Variants in PCDHGA2 observed in about 807,000 individuals in gnomAD.
The protein encoded by PCDHGA2 is protocadherin gamma-A2.
Under a neutral mutation model 59.2 loss-of-function variants are expected in PCDHGA2, and 40 were observed. The observed-to-expected ratio is 0.68, with a 90% CI of 0.52 to 0.88. The LOEUF (loss-of-function observed/expected upper bound fraction) is 0.88, where lower values mean the gene tolerates loss of function less well. PCDHGA2 is among the 40% of genes least tolerant of loss of function. The pLI is 0.00. For synonymous variants in PCDHGA2, 560 were observed against 526.0 expected (o/e 1.06, Z -0.89); for missense variants, 1,226 against 1,204.0 (o/e 1.02, Z -0.27).
At chr5:141,382,989 T>C (rs1377336206) in intron 1 of PCDHGA2, 5 of 1,613,356 alleles carry the variant, frequency 3.1e-6, no homozygotes, top group East Asian at 2.2e-5. Context: ...GGGCAGGACG[T>C]ATTCTCTACT....
intron 2 of PCDHGA2, among the ~76,000 whole-genome samples, chr5:141,501,057 C>T (rs185929124): frequency 9.7e-4 from 147 of 151,960 alleles, no homozygotes; most frequent in African/African-American, 3.4e-3. Context: ...TTAGTAGAGA[C>T]GGGGTTTCAC....
chr5:141,410,660 T>C (rs911543817), intron 1 of PCDHGA2: 12 of 1,572,396 alleles, frequency 7.6e-6, no homozygotes, highest in African/African-American at 2.7e-5. Context: ...TCTAATAGTC[T>C]ACTAGTTTCT....
intron 1 of PCDHGA2, among the ~76,000 whole-genome samples, chr5:141,363,511 A>T (rs1323894017): frequency 6.6e-6 from 1 of 152,256 alleles, no homozygotes; most frequent in Non-Finnish European, 1.5e-5. Flanking sequence ...CATCCTCCAC[A>T]GTTACTATAC....
At chr5:141,501,298 C>T (rs998006748) in intron 2 of PCDHGA2, among the ~76,000 whole-genome samples, 216 of 148,422 alleles carry the variant, frequency 1.5e-3, no homozygotes, top group Admixed American at 2.4e-3. Context: ...TATACACACA[C>T]ACACACACAC....
chr5:141,340,252 A>C lies in PCDHGA2; in HGVS notation c.1281A>C (p.Gly427=). 6.2e-7 allele frequency: 1 copy of C among 1,614,180 alleles called. No homozygotes were observed. The highest frequency in any genetic ancestry group is 8.5e-7 in the Non-Finnish European group (1 of 1,180,024). The change falls in exon 1 of 4, where the codon GGA becomes GGC. Residue 427 remains glycine, a synonymous_variant. Coordinates refer to ENST00000394576, the MANE Select transcript of PCDHGA2 (RefSeq NM_018915.4). Reference sequence around the variant, plus strand: ...ACATCACTCTAACCGCTAAAGATGGAGGGAACCCCTCCCTGTCCACGGATG... The same window carrying C: ...ACATCACTCTAACCGCTAAAGATGGCGGGAACCCCTCCCTGTCCACGGATG... ...FYNITLTAKD[G]GNPSLSTDAH...
chr5:141,402,801 G>A, intron 1 of PCDHGA2: 6 of 1,078,624 alleles, frequency 5.6e-6, no homozygotes, highest in Non-Finnish European at 7.6e-6. Context: ...CACAAAACCC[G>A]GCAGATACCA....
chr5:141,470,035 G>A lies in PCDHGA2; in HGVS notation c.2425-24772G>A, dbSNP rs761812438. ...TCCCAGCTACTCGGGATGCTGAGGC[G>A]CGAGAACTGTTTGAACCCCGGAGGC... On this transcript the variant is annotated intron_variant, in intron 1 of 3. Transcript: ENST00000394576. Among the ~76,000 whole-genome samples, 97 of 152,224 alleles carry A rather than the reference G, an allele frequency of 6.4e-4. 2 individuals carry two copies. Among genetic ancestry groups the A allele is most frequent in the East Asian group, 1.2e-3 (6 of 5,170 alleles).
Position 141,491,627 on chromosome 5 carries a change from A to C in PCDHGA2, c.2425-3180A>C. On this transcript the variant is annotated intron_variant, in intron 1 of 3. Transcript: ENST00000394576. The surrounding 1 kb of genome is among the most constrained non-coding windows in gnomAD (Gnocchi z 6.9). ...ACTTTTCTAAGACCCCTCAGCGTTC[A>C]GCAGCCCACAGCTCTGGCGCTGGAG... 6.2e-7 allele frequency: 1 copy of C among 1,613,924 alleles called. No homozygotes were observed. The highest frequency in any genetic ancestry group is 8.5e-7 in the Non-Finnish European group (1 of 1,180,026).
At chr5:141,345,897 C>T in intron 1 of PCDHGA2, 1 of 1,612,696 alleles carries the variant, frequency 6.2e-7, no homozygotes. Context: ...GGTGGGTCTG[C>T]ACACGGGCGA....
intron 1 of PCDHGA2, among the ~76,000 whole-genome samples, chr5:141,463,117 A>G (rs2099053039): frequency 6.6e-6 from 1 of 152,196 alleles, no homozygotes; most frequent in African/African-American, 2.4e-5. Context: ...TTCAGCTAAT[A>G]GCTCCCTGGC....
chr5:141,499,721 G>GTC (rs1434016871), intron 2 of PCDHGA2, among the ~76,000 whole-genome samples: 69 of 135,416 alleles, frequency 5.1e-4, no homozygotes, highest in African/African-American at 1.9e-3. Flanking sequence ...TGGAGACAGA[G>GTC]TCTCACTCTC....
chr5:141,351,411 A>G (rs1285099995), intron 1 of PCDHGA2: 1 of 1,611,444 alleles, frequency 6.2e-7, no homozygotes, highest in Non-Finnish European at 8.5e-7. Flanking sequence ...TATACTCAGG[A>G]AGAAGTTCCT....
Position 141,511,132 on chromosome 5 carries a change from A to G in PCDHGA2, c.2758A>G (p.Asn920Asp). The change falls in exon 4 of 4, where the codon AAT (asparagine) becomes GAT (aspartate). Residue 920 changes from asparagine to aspartate, a missense_variant. Coordinates refer to ENST00000394576, the MANE Select transcript of PCDHGA2 (RefSeq NM_018915.4). ...GGATGGCAAGGCCCCAGCAGGTGGC[A>G]ATGGCAACAAGAAGAAGTCGGGCAA... ...KRDGKAPAGG[N>D]GNKKKSGKKE... is the part of the protein sequence containing the mutation. The G allele has an allele frequency of 6.2e-7, 1 of 1,614,218 alleles. No individual in the cohort carries two copies. Among genetic ancestry groups the G allele is most frequent in the Non-Finnish European group, 8.5e-7 (1 of 1,180,018 alleles).
chr5:141,419,759 G>A (rs1179602962), intron 1 of PCDHGA2: 2 of 1,614,004 alleles, frequency 1.2e-6, no homozygotes, highest in Admixed American at 3.3e-5. Context: ...TGCTTTGGGT[G>A]ACAAGGACTC....
intron 3 of PCDHGA2, among the ~76,000 whole-genome samples, chr5:141,509,320 C>A (rs1261653347): frequency 6.6e-6 from 1 of 152,194 alleles, no homozygotes; most frequent in Non-Finnish European, 1.5e-5. Flanking sequence ...GGGAGAGAAG[C>A]TCTACTGCCA....
Position 141,447,676 on chromosome 5 carries a change from C to T in PCDHGA2, c.2425-47131C>T, listed in dbSNP as rs1466767844. Among the ~76,000 whole-genome samples the T allele has an allele frequency of 2.6e-5, 4 of 152,104 alleles. No individual in the cohort carries two copies. The East Asian group carries it at 7.7e-4, about 29-fold the overall frequency. On this transcript the variant is annotated intron_variant, in intron 1 of 3. Coordinates refer to ENST00000394576, the MANE Select transcript of PCDHGA2 (RefSeq NM_018915.4). The stretch of plus-strand genomic sequence containing the variant: ...CCCCCCCAGGAAGTTAGAACTGTTC[C>T]ATATCTTGATAGAGGGATGGGTTAT...
intron 2 of PCDHGA2, among the ~76,000 whole-genome samples, chr5:141,501,333 A>ACACACC (rs1186649373): frequency 1.5e-4 from 21 of 140,134 alleles, no homozygotes; most frequent in African/African-American, 3.4e-4. Flanking sequence ...ACACACACAC[A>ACACACC]CCCCAAACTC....
Position 141,511,202 on chromosome 5 carries a change from C to A in PCDHGA2, c.*29C>A. On this transcript the variant is annotated 3_prime_UTR_variant, in exon 4 of 4. Transcript: ENST00000394576. ...GGAGGCCAGGCCAAGAGCCACAGGG[C>A]GGCCTCTCCCCAACCAGCCCAGCTT... The A allele has an allele frequency of 6.2e-7, 1 of 1,612,136 alleles. No individual in the cohort carries two copies.
chr5:141,345,107 A>G, intron 1 of PCDHGA2: 1 of 1,614,056 alleles, frequency 6.2e-7, no homozygotes, highest in Middle Eastern at 1.6e-4. Flanking sequence ...CAGTCCCAGA[A>G]GAGGGCACCG....
Sources: gnomAD v4.1 joint callset for allele counts (sites outside exome capture counted in the v4.1 genomes callset) on GRCh38, gnomAD v4.1.1 for gene constraint, Gnocchi (gnomAD v3.1) non-coding constraint, MANE v1.5 for transcripts, NCBI Gene and HGNC (gene_info 2026-07-23, HGNC 2026-07-21) for gene names.